The following CYP2F1 variants were observed in gnomAD, a reference collection of about 807,000 sequenced individuals.
CYP2F1 encodes cytochrome P450 2F1.
In CYP2F1, 33 loss-of-function variants were observed where a neutral mutation model predicts 40.4. The observed-to-expected ratio is 0.82, with a 90% CI of 0.62 to 1.09. The LOEUF is 1.09. Among genes scored for constraint, CYP2F1 ranks in the 50% least tolerant of loss-of-function variants. The pLI, the probability that CYP2F1 is intolerant of heterozygous loss-of-function variation, is 0.00. For missense variants in CYP2F1, 566 were observed against 655.7 expected (o/e 0.86, Z 1.49); for synonymous variants, 235 against 277.2 (o/e 0.85, Z 1.51).
chr19:41,127,326 A>G (rs1161898510), intron 9 of CYP2F1, among the ~76,000 whole-genome samples: 1 of 152,050 alleles, frequency 6.6e-6, no homozygotes, highest in Non-Finnish European at 1.5e-5. Flanking sequence ...ATGAGGCACT[A>G]TTACTATCCC....
At chr19:41,115,600 T>A (rs893083790) in intron 1 of CYP2F1, among the ~76,000 whole-genome samples, 6 of 152,068 alleles carry the variant, frequency 3.9e-5, no homozygotes, top group African/African-American at 1.4e-4. Context: ...AGATAGATGA[T>A]AGATATAGAT....
At chr19:41,127,240 C>T (rs1221148718) in intron 9 of CYP2F1, among the ~76,000 whole-genome samples, 3 of 152,202 alleles carry the variant, frequency 2.0e-5, no homozygotes. Flanking sequence ...ATGTAATGCT[C>T]AGAGTAATGC....
At chr19:41,123,259 G>A (rs753891523) in intron 7 of CYP2F1, 18 of 497,320 alleles carry the variant, frequency 3.6e-5, no homozygotes, top group Middle Eastern at 3.7e-4. Flanking sequence ...GTGCAGTGGC[G>A]TGATCTCGAT....
At chr19:41,119,297 C>A (rs145099431) in intron 3 of CYP2F1, among the ~76,000 whole-genome samples, 1 of 152,218 alleles carries the variant, frequency 6.6e-6, no homozygotes, top group East Asian at 1.9e-4. Context: ...TCTTGCCTAT[C>A]TCTCTTATTC....
chr19:41,124,598 G>C, intron 7 of CYP2F1, 121 bp from the exon 8 acceptor site: 1 of 919,490 alleles, frequency 1.1e-6, no homozygotes, highest in South Asian at 1.7e-5. Flanking sequence ...CCCAGCAGTG[G>C]CGCCCCGCGC....
chr19:41,127,483 G>A (rs1042799647), intron 9 of CYP2F1, among the ~76,000 whole-genome samples: 1 of 152,074 alleles, frequency 6.6e-6, no homozygotes, highest in Admixed American at 6.6e-5. Flanking sequence ...CTGCAGGCAT[G>A]TGCCACCTTG....
chr19:41,117,123 G>T (rs1161302440), intron 3 of CYP2F1, among the ~76,000 whole-genome samples: 1 of 151,658 alleles, frequency 6.6e-6, no homozygotes, highest in Non-Finnish European at 1.5e-5. Flanking sequence ...AGTCCCTTTA[G>T]TCAAACTGAA....
At chr19:41,124,590 C>A in intron 7 of CYP2F1, 129 bp from the exon 8 acceptor site, 1 of 853,504 alleles carries the variant, frequency 1.2e-6, no homozygotes, top group Non-Finnish European at 1.8e-6. Flanking sequence ...ACGTGCGCCC[C>A]AGCAGTGGCG....
At position 41,125,757 on chromosome 19, in the gene CYP2F1, A is replaced by G. The variant is rs762445664; in HGVS notation, c.1294+123A>G. On this transcript the variant is annotated intron_variant, in intron 9 of 9. Transcript: ENST00000331105. ...TTCTCAGCTTTGGATGCACAGAGAC[A>G]TTCATTCCTCCTCTCAACTCTGCTC... 9.3e-6 allele frequency: 15 copies of G among 1,607,220 alleles called. No individual in the cohort carries two copies. The East Asian group carries it at 1.3e-4, about 14-fold the overall frequency.
chr19:41,120,313 C>G (rs781237738), intron 3 of CYP2F1, 34 bp from the exon 4 acceptor site: 3 of 1,553,464 alleles, frequency 1.9e-6, no homozygotes, highest in Non-Finnish European at 2.6e-6. Context: ...AGGATGAGTT[C>G]CCGGTTAAGC....
intron 6 of CYP2F1, among the ~76,000 whole-genome samples, 176 bp downstream of exon 6, chr19:41,122,309 T>C (rs1394102271): frequency 6.6e-6 from 1 of 151,832 alleles, no homozygotes. Flanking sequence ...CACCGCCAAC[T>C]TACAGCTCAT....
intron 7 of CYP2F1, 29 bp from the exon 8 acceptor site, chr19:41,124,690 C>T (rs1459082219): frequency 5.0e-6 from 8 of 1,590,496 alleles, no homozygotes; most frequent in African/African-American, 2.7e-5. Flanking sequence ...CGCTGATACC[C>T]TCGACCCCGC....
intron 6 of CYP2F1, among the ~76,000 whole-genome samples, chr19:41,122,511 TACATACACACAC>T (rs1354719752): frequency 3.2e-4 from 49 of 151,502 alleles, no homozygotes; most frequent in Admixed American, 3.2e-3. Context: ...CATACATACA[TACATACACACAC>T]ACATACACAC....
chr19:41,123,272 G>A lies in CYP2F1; in HGVS notation c.964+309G>A, dbSNP rs934391805. The A allele has an allele frequency of 6.1e-5, 28 of 462,460 alleles. 1 individual carries two copies. Among genetic ancestry groups the A allele is most frequent in the Non-Finnish European group, 1.1e-4 (25 of 234,284 alleles). 28.6% of individuals were successfully genotyped at this position (462,460 alleles called of 1,614,324 possible). A position where few individuals can be genotyped will look rare whatever the true frequency, so the allele number is the denominator to read the frequency against. On this transcript the variant is annotated intron_variant, in intron 7 of 9. Transcript: ENST00000331105. ...GAGTGCAGTGGCGTGATCTCGATCC[G>A]CTCACTGCAACCTCCCCCTCCCGAG...
At chr19:41,117,886 G>C (rs1451942520) in intron 3 of CYP2F1, among the ~76,000 whole-genome samples, 1 of 151,844 alleles carries the variant, frequency 6.6e-6, no homozygotes, top group Non-Finnish European at 1.5e-5. Flanking sequence ...GTCTCGTTCT[G>C]TTGCCCAGGC....
intron 7 of CYP2F1, 137 bp from the exon 8 acceptor site, chr19:41,124,582 G>A (rs1053495495): frequency 3.9e-6 from 3 of 766,830 alleles, no homozygotes; most frequent in Non-Finnish European, 6.1e-6. Context: ...TAATTCTCAC[G>A]TGCGCCCCAG....
At chr19:41,116,058 C>T in intron 1 of CYP2F1, 120 bp from the exon 2 acceptor site, 2 of 927,004 alleles carry the variant, frequency 2.2e-6, no homozygotes, top group Non-Finnish European at 3.2e-6. Context: ...CCTGGCCTCT[C>T]CCTGTCTCCT....
chr19:41,118,540 C>T (rs1181565365), intron 3 of CYP2F1, among the ~76,000 whole-genome samples: 1 of 152,194 alleles, frequency 6.6e-6, no homozygotes, highest in East Asian at 1.9e-4. Flanking sequence ...CCTTCCCTGG[C>T]TTGATCTGAT....
At chr19:41,120,533 C>T (rs777335174) in intron 4 of CYP2F1, 37 bp downstream of exon 4, 58 of 1,397,448 alleles carry the variant, frequency 4.2e-5, no homozygotes, top group Non-Finnish European at 5.2e-5. Flanking sequence ...ATGGCACGAT[C>T]TTTTTTTTTT....
Sources: allele counts gnomAD v4.1 joint callset (sites outside exome capture counted in the v4.1 genomes callset), GRCh38; gene constraint gnomAD v4.1.1; transcripts MANE v1.5; gene names NCBI Gene and HGNC (gene_info 2026-07-23, HGNC 2026-07-21).